The following CDC42BPA variants were observed in gnomAD, a reference collection of about 807,000 sequenced individuals.
The protein encoded by CDC42BPA is CDC42 binding protein kinase alpha, also known as serine/threonine-protein kinase MRCK alpha.
In CDC42BPA, 80 loss-of-function variants were observed where a neutral mutation model predicts 223.5. That is an observed-to-expected ratio of 0.36 (90% CI 0.30 to 0.43). CDC42BPA has a LOEUF of 0.43. Ranked by LOEUF, CDC42BPA falls within the 20% of genes least tolerant of loss-of-function variation. The pLI, the probability that CDC42BPA is intolerant of heterozygous loss-of-function variation, is 1.00. For synonymous variants in CDC42BPA, 694 were observed against 718.6 expected, an observed-to-expected ratio of 0.97 and a Z score of 0.55; for missense variants, 1,743 against 2,099.9, an observed-to-expected ratio of 0.83 and a Z score of 3.32.
chr1:227,282,559 C>A (rs1464722651), intron 1 of CDC42BPA, among the ~76,000 whole-genome samples: 2 of 152,126 alleles, frequency 1.3e-5, no homozygotes, highest in African/African-American at 2.4e-5. Flanking sequence ...TATCTAAGAT[C>A]TTGATTAATA....
At chr1:227,243,483 T>A (rs536439357) in intron 2 of CDC42BPA, among the ~76,000 whole-genome samples, 1 of 152,144 alleles carries the variant, frequency 6.6e-6, no homozygotes, top group Non-Finnish European at 1.5e-5. Context: ...AAGTGAACTT[T>A]GACCTATACC....
At chr1:227,264,450 A>G (rs1684634482) in intron 1 of CDC42BPA, among the ~76,000 whole-genome samples, 2 of 145,812 alleles carry the variant, frequency 1.4e-5, no homozygotes, top group South Asian at 4.1e-4. Context: ...CCCAACTCCA[A>G]AAGGCCAAAA....
intron 2 of CDC42BPA, among the ~76,000 whole-genome samples, chr1:227,249,976 G>A (rs1236362378): frequency 6.6e-6 from 1 of 152,078 alleles, no homozygotes; most frequent in Non-Finnish European, 1.5e-5. Flanking sequence ...GTAACACAAA[G>A]GACCAATAAT....
intron 2 of CDC42BPA, among the ~76,000 whole-genome samples, chr1:227,243,756 TCACACACACACACACACACACA>T (rs5781477): frequency 4.0e-4 from 59 of 146,666 alleles, no homozygotes; most frequent in Middle Eastern, 7.0e-3. Flanking sequence ...AAAAGATTTG[TCACACACACACACACACACACA>T]CACACACACA....
At chr1:227,278,038 C>T (rs911149454) in intron 1 of CDC42BPA, among the ~76,000 whole-genome samples, 5 of 152,194 alleles carry the variant, frequency 3.3e-5, no homozygotes, top group Non-Finnish European at 5.9e-5. Context: ...CGTGAGCCAC[C>T]GCACCCAGCC....
At chr1:227,196,338 C>CTTTTTTTTTTTTTTTTTCTTTT (rs1670695743) in intron 4 of CDC42BPA, among the ~76,000 whole-genome samples, 6 of 92,342 alleles carry the variant, frequency 6.5e-5, no homozygotes, top group African/African-American at 2.4e-4. Flanking sequence ...TTAAACAATA[C>CTTTTTTTTTTTTTTTTTCTTTT]TTTTTTTTTT....
chr1:227,073,027 G>A (rs1451159527), intron 19 of CDC42BPA, among the ~76,000 whole-genome samples: 2 of 152,076 alleles, frequency 1.3e-5, no homozygotes, highest in Non-Finnish European at 2.9e-5. Flanking sequence ...GAAGTATCAT[G>A]TATCTGGCCT....
intron 10 of CDC42BPA, among the ~76,000 whole-genome samples, chr1:227,130,068 AC>A (rs568643446): frequency 9.8e-4 from 149 of 152,352 alleles, no homozygotes; most frequent in Non-Finnish European, 1.6e-3. Flanking sequence ...TTTTAAAAAA[AC>A]AATAACTCTA....
rs965854068 is a variant in CDC42BPA at position 227,150,232 on chromosome 1, A to AC, written c.694-2674_694-2673insG. On this transcript the variant is annotated intron_variant, in intron 6 of 36. Transcript: ENST00000366766. ...AGAGTGAAACCCTGTCTCAAAAAAAAAAAAACAAAAAAAACAAAAAGTACT... is the reference window on the plus strand; with the variant it reads ...AGAGTGAAACCCTGTCTCAAAAAAAACAAAAACAAAAAAAACAAAAAGTACT... Among the ~76,000 whole-genome samples, 50 of 151,506 alleles carry AC rather than the reference A, an allele frequency of 3.3e-4. 1 individual carries two copies. In the East Asian group the frequency reaches 8.7e-3, roughly 26 times the overall value.
intron 21 of CDC42BPA, 141 bp from the exon 22 acceptor site, chr1:227,052,126 G>T (rs990580714): frequency 7.2e-6 from 3 of 417,804 alleles, no homozygotes; most frequent in African/African-American, 4.1e-5. Flanking sequence ...GAATATTCAC[G>T]TTAGGGATAC....
At chr1:227,080,685 C>T (rs1002525754) in intron 17 of CDC42BPA, among the ~76,000 whole-genome samples, 5 of 152,088 alleles carry the variant, frequency 3.3e-5, no homozygotes, top group African/African-American at 9.7e-5. Context: ...TGGTATGGGA[C>T]ATTTGTTAGA....
intron 1 of CDC42BPA, among the ~76,000 whole-genome samples, chr1:227,316,599 TC>T (rs1694439396): frequency 1.3e-5 from 2 of 152,212 alleles, no homozygotes; most frequent in Non-Finnish European, 2.9e-5. Flanking sequence ...TAATATCTCC[TC>T]CTATTTTGAG....
At chr1:227,279,442 T>C (rs1687664335) in intron 1 of CDC42BPA, among the ~76,000 whole-genome samples, 1 of 152,168 alleles carries the variant, frequency 6.6e-6, no homozygotes, top group Admixed American at 6.5e-5. Context: ...TACTGTTTTA[T>C]ATCCTAAAGT....
At chr1:227,139,050 G>A (rs1429325660) in intron 10 of CDC42BPA, among the ~76,000 whole-genome samples, 1 of 152,128 alleles carries the variant, frequency 6.6e-6, no homozygotes, top group Admixed American at 6.5e-5. Context: ...TTTAGGTATT[G>A]TAATCTTAAG....
chr1:227,059,726 A>G (rs1243495670), intron 21 of CDC42BPA, among the ~76,000 whole-genome samples: 1 of 152,194 alleles, frequency 6.6e-6, no homozygotes, highest in Non-Finnish European at 1.5e-5. Flanking sequence ...ACAAATGAGA[A>G]CAAAAAGGAT....
At chr1:227,080,589 G>C (rs751186379) in intron 17 of CDC42BPA, among the ~76,000 whole-genome samples, 1 of 152,110 alleles carries the variant, frequency 6.6e-6, no homozygotes, top group Non-Finnish European at 1.5e-5. Context: ...ATAGGTAGCA[G>C]ATGAATTCCA....
chr1:227,209,045 G>T (rs977466061), intron 3 of CDC42BPA, among the ~76,000 whole-genome samples: 4 of 150,764 alleles, frequency 2.7e-5, no homozygotes, highest in Admixed American at 6.6e-5. Flanking sequence ...GCAGTGGTTT[G>T]TAGTTCTCCT....
chr1:227,020,256 A>T (rs1008423599), intron 32 of CDC42BPA, among the ~76,000 whole-genome samples: 1 of 152,208 alleles, frequency 6.6e-6, no homozygotes, highest in Non-Finnish European at 1.5e-5. Flanking sequence ...TACTGGCTTC[A>T]ACGTAAAGCC....
In CDC42BPA at chr1:227,174,119, A is replaced by T. The variant is rs138654460; in HGVS notation, c.600-13483T>A. Among the ~76,000 whole-genome samples the T allele has an allele frequency of 5.9e-5, 9 of 152,332 alleles. 1 individual carries two copies. In the East Asian group the frequency reaches 1.7e-3, roughly 29 times the overall value. Reference sequence around the variant, plus strand: ...TAACTATAGATGGTCCCTAACTTACAATGGTTCAAATTATGATTCTTCAAC... The same window carrying T: ...TAACTATAGATGGTCCCTAACTTACTATGGTTCAAATTATGATTCTTCAAC... On this transcript the variant is annotated intron_variant, in intron 5 of 36. Coordinates refer to ENST00000366766, the MANE Select transcript of CDC42BPA (RefSeq NM_001394014.1).
Sources: allele counts gnomAD v4.1 joint callset (sites outside exome capture counted in the v4.1 genomes callset), GRCh38; gene constraint gnomAD v4.1.1; transcripts MANE v1.5; gene names NCBI Gene and HGNC (gene_info 2026-07-23, HGNC 2026-07-21).